HMGB1: variants seen among roughly 807,000 people sequenced by gnomAD.
The protein encoded by HMGB1 is high mobility group box 1.
For missense variants in HMGB1, 79 were observed against 253.5 expected (o/e 0.31, Z 4.67); for synonymous variants, 81 against 84.0 (o/e 0.96, Z 0.19).
rs1566019172 is a variant in HMGB1, at chr13:30,538,668, CTTT to C, written c.-14-74977_-14-74975del. 1.1e-3 allele frequency among the ~76,000 whole-genome samples: 22 copies of C among 19,652 alleles called. 2 individuals carry two copies. The South Asian group carries it at 0.019, about 17-fold the overall frequency. 12.9% of individuals were successfully genotyped at this position (19,652 alleles called of 152,430 possible). A position where few individuals can be genotyped will look rare whatever the true frequency, so the allele number is the denominator to read the frequency against. On this transcript the variant is annotated intron_variant, in intron 1 of 4. Transcript: ENST00000405805. ...CTTTCTTTCTTTCTTTCTTTCCTTT[CTTT>C]CTTTCTTTCTTTCCTTTCTTTCTTT...
At chr13:30,607,815 A>C (rs551103035) in intron 1 of HMGB1, among the ~76,000 whole-genome samples, 1 of 152,334 alleles carries the variant, frequency 6.6e-6, no homozygotes, top group African/African-American at 2.4e-5. Flanking sequence ...ATTTTATAAT[A>C]TATATAAAAA....
rs1431042031 is a variant in HMGB1 at position 30,559,460 on chromosome 13, G to A, written c.-15+57211C>T. ...AACCTGTCAAAAGAATGAAGTGATG[G>A]AAGCCAGACTCAAACCAACTGTGTA... On this transcript the variant is annotated intron_variant, in intron 1 of 4. Coordinates refer to the HMGB1 transcript ENST00000405805. This position sits in a 1 kb window ranked among gnomAD's most constrained non-coding sequence, Gnocchi z 6.6. 6.6e-6 allele frequency among the ~76,000 whole-genome samples: 1 copy of A among 152,152 alleles called. No homozygotes were observed. The highest frequency in any genetic ancestry group is 1.5e-5 in the Non-Finnish European group (1 of 68,034).
intron 1 of HMGB1, among the ~76,000 whole-genome samples, chr13:30,601,288 G>A (rs930450896): frequency 7.9e-5 from 12 of 152,124 alleles, no homozygotes; most frequent in African/African-American, 2.4e-4. Context: ...GACTCAGCCC[G>A]CCTGCACCCA....
chr13:30,584,876 A>G (rs1002279068), intron 1 of HMGB1, among the ~76,000 whole-genome samples: 1 of 152,170 alleles, frequency 6.6e-6, no homozygotes, highest in Non-Finnish European at 1.5e-5. Flanking sequence ...GGCTGGGTGC[A>G]GTGGTTCACG....
chr13:30,534,617 T>C (rs1359957660), intron 1 of HMGB1, among the ~76,000 whole-genome samples: 3 of 128,330 alleles, frequency 2.3e-5, no homozygotes, highest in Admixed American at 2.3e-4. Flanking sequence ...TTCAAGCTGC[T>C]TTTTTTTTTT....
chr13:30,505,253 A>G (rs1399588444), intron 1 of HMGB1, among the ~76,000 whole-genome samples: 1 of 151,936 alleles, frequency 6.6e-6, no homozygotes, highest in African/African-American at 2.4e-5. Context: ...ATCTCAGCTC[A>G]CTGCAACCTC....
At chr13:30,609,752 C>A (rs973144891) in intron 1 of HMGB1, among the ~76,000 whole-genome samples, 1 of 152,174 alleles carries the variant, frequency 6.6e-6, no homozygotes, top group African/African-American at 2.4e-5. Flanking sequence ...ACCTTCTTCC[C>A]CAACCCGAAT....
At chr13:30,504,536 T>G (rs1254794522) in intron 1 of HMGB1, among the ~76,000 whole-genome samples, 1 of 152,208 alleles carries the variant, frequency 6.6e-6, no homozygotes, top group African/African-American at 2.4e-5. Flanking sequence ...AAAAAAATTA[T>G]TTATCCAAGA....
intron 1 of HMGB1, among the ~76,000 whole-genome samples, chr13:30,534,915 G>A (rs528003545): frequency 3.3e-5 from 5 of 152,174 alleles, no homozygotes; most frequent in Admixed American, 6.5e-5. Context: ...CAGAGGCTCC[G>A]TGACATTTTC....
intron 4 of HMGB1, 193 bp from the exon 5 acceptor site, chr13:30,461,726 A>C (rs759494904): frequency 1.4e-6 from 2 of 1,408,388 alleles, no homozygotes; most frequent in Non-Finnish European, 2.0e-6. Flanking sequence ...GATCATTATA[A>C]CAATCTATAA....
chr13:30,538,514 T>TCTTTC lies in HMGB1; in HGVS notation c.-14-74825_-14-74821dup, dbSNP rs1555238776. Among the ~76,000 whole-genome samples the TCTTTC allele has an allele frequency of 3.5e-4, 49 of 138,830 alleles. 1 individual carries two copies. Among genetic ancestry groups the TCTTTC allele is most frequent in the African/African-American group, 1.0e-3 (33 of 32,632 alleles). The allele number at this position is 138,830 out of a possible 152,430, so 91.1% of individuals were successfully genotyped here. ...TCTTTCTTTCTTTCTTTCTTTCCTT[T>TCTTTC]CTTTCTTTCCTTTCTTTCTTTCCTT... On this transcript the variant is annotated intron_variant, in intron 1 of 4. Coordinates refer to the HMGB1 transcript ENST00000405805.
intron 4 of HMGB1, chr13:30,462,306 G>T: frequency 1.8e-6 from 1 of 542,554 alleles, no homozygotes. Context: ...AAGATACTGG[G>T]GAATAACAAA....
intron 1 of HMGB1, among the ~76,000 whole-genome samples, chr13:30,477,202 T>C (rs1005493353): frequency 6.6e-6 from 1 of 152,216 alleles, no homozygotes; most frequent in Non-Finnish European, 1.5e-5. Flanking sequence ...GGTCTTTGAA[T>C]AGGACCCTTA....
intron 1 of HMGB1, among the ~76,000 whole-genome samples, chr13:30,523,696 C>T (rs1449840118): frequency 6.6e-6 from 1 of 151,948 alleles, no homozygotes; most frequent in African/African-American, 2.4e-5. Context: ...GCAGCTGCTA[C>T]TTGTACCATC....
chr13:30,573,799 C>T (rs1417162952), intron 1 of HMGB1, among the ~76,000 whole-genome samples: 2 of 151,976 alleles, frequency 1.3e-5, no homozygotes, highest in South Asian at 2.1e-4. Context: ...TACAGGCATG[C>T]GCCAACACGT....
intron 1 of HMGB1, among the ~76,000 whole-genome samples, chr13:30,605,045 T>C (rs1387312203): frequency 6.6e-6 from 1 of 152,222 alleles, no homozygotes; most frequent in Non-Finnish European, 1.5e-5. Flanking sequence ...CACCAGGGTT[T>C]ACTGCCTGAG....
intron 1 of HMGB1, among the ~76,000 whole-genome samples, chr13:30,506,578 AG>A (rs1566009452): frequency 1.3e-5 from 2 of 152,096 alleles, no homozygotes; most frequent in African/African-American, 4.8e-5. Context: ...ACCTTCTGTC[AG>A]TCATTCTGCC....
At chr13:30,606,974 TAAGA>T (rs747033426) in intron 1 of HMGB1, among the ~76,000 whole-genome samples, 1 of 152,226 alleles carries the variant, frequency 6.6e-6, no homozygotes, top group Non-Finnish European at 1.5e-5. Context: ...TAGCATATTT[TAAGA>T]AATAAATTAT....
intron 1 of HMGB1, among the ~76,000 whole-genome samples, chr13:30,486,849 G>A (rs571801163): frequency 1.3e-5 from 2 of 152,276 alleles, no homozygotes; most frequent in South Asian, 4.2e-4. Context: ...TAAACAACAT[G>A]ATCATGGGAA....
Sources: allele counts gnomAD v4.1 joint callset (sites outside exome capture counted in the v4.1 genomes callset), GRCh38; gene constraint gnomAD v4.1.1; non-coding constraint Gnocchi (gnomAD v3.1); transcripts MANE v1.5; gene names NCBI Gene and HGNC (gene_info 2026-07-23, HGNC 2026-07-21).